Variants in BAZ2B observed in about 807,000 individuals in gnomAD.
BAZ2B encodes the protein bromodomain adjacent to zinc finger domain 2B.
In BAZ2B, 91 loss-of-function variants were observed where a neutral mutation model predicts 246.0. The observed-to-expected ratio is 0.37, with a 90% confidence interval of 0.31 to 0.44. The LOEUF (loss-of-function observed/expected upper bound fraction) is 0.44, where lower values mean the gene tolerates loss of function less well. Ranked by LOEUF, BAZ2B falls within the 20% of genes least tolerant of loss-of-function variation. The pLI, the probability that BAZ2B is intolerant of heterozygous loss-of-function variation, is 1.00. For synonymous variants in BAZ2B, 855 were observed against 860.0 expected, an observed-to-expected ratio of 0.99 and a Z score of 0.10; for missense variants, 2,332 against 2,533.7, an observed-to-expected ratio of 0.92 and a Z score of 1.71.
chr2:159,431,566 T>A (rs2071121462), intron 9 of BAZ2B, among the ~76,000 whole-genome samples: 1 of 152,184 alleles, frequency 6.6e-6, no homozygotes, highest in Non-Finnish European at 1.5e-5. Flanking sequence ...ACCAGCATAC[T>A]TCCATTTGGG....
In BAZ2B at chr2:159,518,528, G is replaced by A. The variant is rs1207435428; in HGVS notation, c.-3+37295C>T. Reference sequence around the variant, plus strand: ...ATATTAAGAACTATGTGCAAAATGAGGTGGGAAGGCAGAGGGAGAGACAAG... The same window carrying A: ...ATATTAAGAACTATGTGCAAAATGAAGTGGGAAGGCAGAGGGAGAGACAAG... On this transcript the variant is annotated intron_variant, in intron 2 of 36. Coordinates refer to ENST00000392783, the MANE Select transcript of BAZ2B (RefSeq NM_013450.4). Among the ~76,000 whole-genome samples, 7 of 152,132 alleles carry A rather than the reference G, an allele frequency of 4.6e-5. No individual in the cohort carries two copies. The East Asian group carries it at 1.3e-3, about 29-fold the overall frequency.
At chr2:159,577,381 A>G (rs903659261) in intron 1 of BAZ2B, among the ~76,000 whole-genome samples, 2 of 152,216 alleles carry the variant, frequency 1.3e-5, no homozygotes, top group Non-Finnish European at 2.9e-5. Context: ...TTAGCTCCAA[A>G]TAGTAGAATT....
intron 1 of BAZ2B, among the ~76,000 whole-genome samples, chr2:159,562,435 C>A (rs2089968990): frequency 6.6e-6 from 1 of 152,218 alleles, no homozygotes; most frequent in Non-Finnish European, 1.5e-5. Context: ...TCTATTCTTT[C>A]AACACTGCTT....
the BAZ2B span, among the ~76,000 whole-genome samples, chr2:159,632,268 C>T: frequency 1.3e-5 from 2 of 152,104 alleles, no homozygotes; most frequent in African/African-American, 2.4e-5. Flanking sequence ...GCTGTTCACC[C>T]AAGCCAGTCA....
At chr2:159,666,250 T>TA in the BAZ2B span, among the ~76,000 whole-genome samples, 1 of 142,408 alleles carries the variant, frequency 7.0e-6, no homozygotes, top group South Asian at 2.2e-4. Context: ...TATATTTTTT[T>TA]ATGATTCTTT....
chr2:159,466,013 G>A (rs940189837), intron 3 of BAZ2B, among the ~76,000 whole-genome samples: 4 of 152,118 alleles, frequency 2.6e-5, no homozygotes, highest in Non-Finnish European at 4.4e-5. Context: ...ATAGTTCAGA[G>A]TATAACATAA....
intron 31 of BAZ2B, among the ~76,000 whole-genome samples, chr2:159,346,088 C>T (rs2067729747): frequency 6.6e-6 from 1 of 152,108 alleles, no homozygotes; most frequent in African/African-American, 2.4e-5. Flanking sequence ...AGAAAGATGA[C>T]AATACACGAG....
At chr2:159,707,691 G>C in the BAZ2B span, among the ~76,000 whole-genome samples, 1 of 152,166 alleles carries the variant, frequency 6.6e-6, no homozygotes, top group Non-Finnish European at 1.5e-5. Context: ...GCCAGGCATT[G>C]TGGTGCATGC....
At chr2:159,454,319 G>A (rs192421766) in intron 3 of BAZ2B, among the ~76,000 whole-genome samples, 15 of 152,226 alleles carry the variant, frequency 9.9e-5, no homozygotes, top group Admixed American at 3.9e-4. Flanking sequence ...GTCATGAGTT[G>A]TTTAATGATG....
At chr2:159,700,433 T>C in the BAZ2B span, among the ~76,000 whole-genome samples, 1 of 133,252 alleles carries the variant, frequency 7.5e-6, no homozygotes, top group East Asian at 2.1e-4. Flanking sequence ...TATTTTATAA[T>C]TGTATTCTTT....
chr2:159,587,752 T>C (rs1225628430), intron 1 of BAZ2B, among the ~76,000 whole-genome samples: 1 of 152,174 alleles, frequency 6.6e-6, no homozygotes, highest in Admixed American at 6.5e-5. Context: ...CATGACTGTT[T>C]TCCCCTACTA....
chr2:159,501,718 C>T (rs2081864662), intron 2 of BAZ2B, among the ~76,000 whole-genome samples: 1 of 152,206 alleles, frequency 6.6e-6, no homozygotes, highest in African/African-American at 2.4e-5. Context: ...TATTCTACTT[C>T]AAATGTTGAA....
chr2:159,587,668 C>T (rs944482983), intron 1 of BAZ2B, among the ~76,000 whole-genome samples: 6 of 152,160 alleles, frequency 3.9e-5, no homozygotes, highest in African/African-American at 7.2e-5. Context: ...TAAAACCTTA[C>T]CCCTCTCAGG....
chr2:159,637,923 G>A, the BAZ2B span, among the ~76,000 whole-genome samples: 9 of 152,162 alleles, frequency 5.9e-5, no homozygotes, highest in Non-Finnish European at 1.0e-4. Context: ...TGGATATGCC[G>A]GGGACCTGGA....
chr2:159,652,682 A>C, the BAZ2B span, among the ~76,000 whole-genome samples: 1 of 151,958 alleles, frequency 6.6e-6, no homozygotes, highest in African/African-American at 2.4e-5. Flanking sequence ...GAGTGGTATA[A>C]ACACGATTTA....
intron 2 of BAZ2B, among the ~76,000 whole-genome samples, chr2:159,526,660 G>A (rs1162623258): frequency 2.0e-5 from 3 of 151,952 alleles, no homozygotes; most frequent in Non-Finnish European, 4.4e-5. Flanking sequence ...CAATCCTTTG[G>A]ATAACAATGA....
In BAZ2B at chr2:159,462,664, G is replaced by C. The variant is rs944973679; in HGVS notation, c.146-8863C>G. 3.4e-4 allele frequency: 373 copies of C among 1,103,336 alleles called. 1 individual carries two copies. The highest frequency in any genetic ancestry group is 4.5e-4 in the Non-Finnish European group (321 of 715,650). The allele number at this position is 1,103,336 out of a possible 1,614,324, so 68.3% of individuals were successfully genotyped here. A position where few individuals can be genotyped will look rare whatever the true frequency, so the allele number is the denominator to read the frequency against. ...ACTGAACACTGCCATCTTCGTAATA[G>C]TGAACCTGAATCTTAAGCACTCCAA... On this transcript the variant is annotated intron_variant, in intron 3 of 36. Coordinates refer to ENST00000392783, the MANE Select transcript of BAZ2B (RefSeq NM_013450.4).
Position 159,349,284 on chromosome 2 carries a change from C to CAAAAAAAAAAA in BAZ2B, c.4864-5_4864-4insTTTTTTTTTTT. 1 of 1,569,380 alleles carries CAAAAAAAAAAA rather than the reference C, an allele frequency of 6.4e-7. No homozygotes were observed. The highest frequency in any genetic ancestry group is 1.2e-5 in the South Asian group (1 of 83,480). On this transcript the variant is annotated splice_region_variant and splice_polypyrimidine_tract_variant and intron_variant, in intron 28 of 36. Transcript: ENST00000392783. ...TCATAGATACTCCACCTTTCACCTG[C>CAAAAAAAAAAA]AAAAAGAAAACATTTATTAATGAAA...
chr2:159,646,089 G>A, the BAZ2B span, among the ~76,000 whole-genome samples: 1 of 152,120 alleles, frequency 6.6e-6, no homozygotes, highest in Non-Finnish European at 1.5e-5. Context: ...AAGCCTGAGA[G>A]CACTATGGGA....
Sources: gnomAD v4.1 joint callset for allele counts (sites outside exome capture counted in the v4.1 genomes callset) on GRCh38, gnomAD v4.1.1 for gene constraint, MANE v1.5 for transcripts, NCBI Gene and HGNC (gene_info 2026-07-23, HGNC 2026-07-21) for gene names.